Variants in LRRC8A observed in about 807,000 individuals in gnomAD.
The protein encoded by LRRC8A is volume-regulated anion channel subunit LRRC8A.
A neutral mutation model predicts 52.5 loss-of-function variants in LRRC8A; 24 were observed. That is an observed-to-expected ratio of 0.46 (90% CI 0.33 to 0.64). The LOEUF is 0.64. Among genes scored for constraint, LRRC8A ranks in the 30% least tolerant of loss-of-function variants. LRRC8A has a pLI of 0.02. For missense variants in LRRC8A, 677 were observed against 1,094.7 expected, an observed-to-expected ratio of 0.62 and a Z score of 5.38; for synonymous variants, 492 against 494.2, an observed-to-expected ratio of 1.00 and a Z score of 0.06.
In LRRC8A at chr9:128,882,544, C is replaced by G. The variant is rs576823452; in HGVS notation, c.-116+294C>G. 7.3e-5 allele frequency: 29 copies of G among 396,420 alleles called. No individual in the cohort carries two copies. The Admixed American group carries it at 1.0e-3, about 14-fold the overall frequency. The allele number at this position is 396,420 out of a possible 1,614,324, so 24.6% of individuals were successfully genotyped here. The stretch of plus-strand genomic sequence containing the variant: ...AGTTTCCGCCTCGGCTCCCCCATGT[C>G]CCCTTGTCATCCCCTGGGTCCCCCC... On this transcript the variant is annotated intron_variant, in intron 1 of 3. Transcript: ENST00000372600.
rs1159912658 is a variant in LRRC8A at position 128,916,088 on chromosome 9, C to T, written c.2158-8C>T. Reference sequence around the variant, plus strand: ...ACCTCACTCTCACCCCTGCTTTTTTCCCTCCAGATCGAGACGCTCCCTCCG... The same window carrying T: ...ACCTCACTCTCACCCCTGCTTTTTTTCCTCCAGATCGAGACGCTCCCTCCG... On this transcript the variant is annotated splice_region_variant and splice_polypyrimidine_tract_variant and intron_variant, in intron 3 of 3. Coordinates refer to ENST00000372600, the MANE Select transcript of LRRC8A (RefSeq NM_019594.4). The surrounding 1 kb of genome is among the most constrained non-coding windows in gnomAD (Gnocchi z 6.1). 1.3e-6 allele frequency: 2 copies of T among 1,591,108 alleles called. No homozygotes were observed. Among genetic ancestry groups the T allele is most frequent in the Non-Finnish European group, 8.6e-7 (1 of 1,165,240 alleles).
chr9:128,891,354 A>G (rs1164595714), intron 2 of LRRC8A, among the ~76,000 whole-genome samples: 3 of 152,026 alleles, frequency 2.0e-5, no homozygotes, highest in Admixed American at 6.5e-5. Context: ...GCTTGAACCC[A>G]GGAGTTCCAG....
intron 2 of LRRC8A, among the ~76,000 whole-genome samples, chr9:128,898,091 T>A (rs1192725025): frequency 7.1e-6 from 1 of 141,756 alleles, no homozygotes; most frequent in Non-Finnish European, 1.5e-5. Flanking sequence ...TGTGTGTAAT[T>A]TATGGCAGAG....
intron 3 of LRRC8A, among the ~76,000 whole-genome samples, chr9:128,909,617 A>G (rs1564529580): frequency 6.6e-6 from 1 of 152,308 alleles, no homozygotes; most frequent in African/African-American, 2.4e-5. Context: ...TCTGTCCCCC[A>G]AGGTGACCTT....
chr9:128,905,851 A>AAGAAAAATC (rs911513420), intron 2 of LRRC8A, among the ~76,000 whole-genome samples: 26 of 152,180 alleles, frequency 1.7e-4, no homozygotes, highest in Admixed American at 7.2e-4. Flanking sequence ...TCAAAAAAAA[A>AAGAAAAATC]AGAAAAATCA....
intron 3 of LRRC8A, among the ~76,000 whole-genome samples, chr9:128,915,744 C>T (rs1489124313): frequency 6.6e-6 from 1 of 152,152 alleles, no homozygotes; most frequent in East Asian, 1.9e-4. Flanking sequence ...CTGGCCAATG[C>T]GATATACTTC....
Position 128,902,632 on chromosome 9 carries a change from TC to T in LRRC8A, c.-8-4522del, listed in dbSNP as rs536864093. Among the ~76,000 whole-genome samples the T allele has an allele frequency of 6.8e-4, 103 of 152,220 alleles. No individual in the cohort carries two copies. The highest frequency in any genetic ancestry group is 2.4e-3 in the African/African-American group (99 of 41,542). ...TGCTGCATGCACCGGGCTCCTCTCC[TC>T]CCTCTTCTGTTCCCCAGTCTTTAGG... On this transcript the variant is annotated intron_variant, in intron 2 of 3. Coordinates refer to ENST00000372600, the MANE Select transcript of LRRC8A (RefSeq NM_019594.4). The surrounding 1 kb of genome is among the most constrained non-coding windows in gnomAD (Gnocchi z 4.1).
intron 2 of LRRC8A, among the ~76,000 whole-genome samples, chr9:128,889,743 C>T (rs1019560675): frequency 6.6e-6 from 1 of 151,940 alleles, no homozygotes; most frequent in Non-Finnish European, 1.5e-5. Context: ...ATCCACCCAC[C>T]TTGTTCTCCA....
intron 2 of LRRC8A, among the ~76,000 whole-genome samples, chr9:128,905,311 T>C (rs1262492500): frequency 6.6e-6 from 1 of 152,224 alleles, no homozygotes; most frequent in African/African-American, 2.4e-5. Flanking sequence ...TTTTTTACAA[T>C]TTTCCGTATG....
In LRRC8A at chr9:128,908,943, G is replaced by C. The variant is rs1840376252; in HGVS notation, c.1779G>C (p.Leu593=). ...ACAGCCTCAAGAAGATGGCGAACCT[G>C]ACTGAGCTGGAGCTGATCCGCTGTG... ...VLNSLKKMAN[L]TELELIRCDL... Residue 593 remains leucine (L), a synonymous_variant, in exon 3 of 4, where the codon CTG becomes CTC. Coordinates refer to ENST00000372600, the MANE Select transcript of LRRC8A (RefSeq NM_019594.4). The C allele has an allele frequency of 1.2e-6, 2 of 1,613,948 alleles. No individual in the cohort carries two copies. The highest frequency in any genetic ancestry group is 1.7e-6 in the Non-Finnish European group (2 of 1,179,992).
Position 128,908,111 on chromosome 9 carries a change from C to T in LRRC8A, c.947C>T (p.Thr316Ile), listed in dbSNP as rs1421017362. The change falls in exon 3 of 4, where the codon ACA (threonine) becomes ATA (isoleucine). Residue 316 changes from threonine to isoleucine, a missense_variant. Physicochemically the swap from Thr to Ile is moderately conservative, Grantham distance 89 (BLOSUM62 -1). Transcript: ENST00000372600. ...TACCGCTGTGCCCACCCCCTGGCCA[C>T]ACTCTTCAAGATCCTGGCGTCCTTC... ...RTYRCAHPLA[T>I]LFKILASFYI... 1 of 1,613,984 alleles carries T rather than the reference C, an allele frequency of 6.2e-7. No individual in the cohort carries two copies. Among genetic ancestry groups the T allele is most frequent in the Admixed American group, 1.7e-5 (1 of 60,008 alleles).
chr9:128,882,723 C>T (rs1839132065), intron 1 of LRRC8A: 2 of 398,744 alleles, frequency 5.0e-6, no homozygotes, highest in Non-Finnish European at 8.8e-6. Context: ...CCTATCGTTC[C>T]GATGGGGGCA....
rs757823479 is a variant in LRRC8A at position 128,908,256 on chromosome 9, C to T, written c.1092C>T (p.Asp364=). The T allele has an allele frequency of 1.2e-6, 2 of 1,614,048 alleles. No individual in the cohort carries two copies. Among genetic ancestry groups the T allele is most frequent in the African/African-American group, 1.3e-5 (1 of 74,948 alleles). Residue 364 remains aspartate (D), a synonymous_variant, in exon 3 of 4, where the codon GAC becomes GAT. Transcript: ENST00000372600. ...ESIREESSYS[D]IPDVKNDFAF... ...TCCGTGAGGAGAGCAGCTACAGCGA[C>T]ATCCCCGACGTCAAGAACGACTTCG...
chr9:128,882,800 G>T (rs1039048758), intron 1 of LRRC8A: 1 of 398,672 alleles, frequency 2.5e-6, no homozygotes, highest in Admixed American at 4.4e-5. Context: ...GGATATTTGG[G>T]AAGACCGGTC....
chr9:128,908,694 G>T lies in LRRC8A; in HGVS notation c.1530G>T (p.Leu510=), dbSNP rs200702418. The change falls in exon 3 of 4, where the codon CTG becomes CTT. Residue 510 remains leucine, a synonymous_variant. Transcript: ENST00000372600. ...IKFTDIKEIP[L]WIYSLKTLEE... ...TCACCGACATCAAGGAGATCCCGCT[G>T]TGGATCTATAGCCTGAAGACACTGG... 1.2e-6 allele frequency: 2 copies of T among 1,613,056 alleles called. No homozygotes were observed. The highest frequency in any genetic ancestry group is 1.7e-6 in the Non-Finnish European group (2 of 1,180,026).
chr9:128,907,278 T>C lies in LRRC8A; in HGVS notation c.114T>C (p.Ile38=). 1 of 1,614,074 alleles carries C rather than the reference T, an allele frequency of 6.2e-7. No individual in the cohort carries two copies. ...TDYISIVMLM[I]AVFGGTLQVT... The stretch of plus-strand genomic sequence containing the variant: ...ACATCTCTATCGTCATGCTGATGAT[T>C]GCCGTCTTCGGGGGGACGCTGCAGG... Residue 38 remains isoleucine (I), a synonymous_variant, in exon 3 of 4, where the codon ATT becomes ATC. Transcript: ENST00000372600. This position sits in a 1 kb window ranked among gnomAD's most constrained non-coding sequence, Gnocchi z 9.3.
chr9:128,917,094 G>A lies in LRRC8A; in HGVS notation c.*723G>A, dbSNP rs968476751. The A allele has an allele frequency of 2.7e-5, 4 of 150,222 alleles. No individual in the cohort carries two copies. The highest frequency in any genetic ancestry group is 9.9e-5 in the African/African-American group (4 of 40,556). 9.3% of individuals were successfully genotyped at this position (150,222 alleles called of 1,614,324 possible). On this transcript the variant is annotated 3_prime_UTR_variant, in exon 4 of 4. Transcript: ENST00000372600. ...AAAAGCTTTGAAAATGGATGGTTTGGGTATTAAAAAGAAAAAAAAAACTTA... is the reference window on the plus strand; with the variant it reads ...AAAAGCTTTGAAAATGGATGGTTTGAGTATTAAAAAGAAAAAAAAAACTTA...
chr9:128,906,890 ATC>A (rs1483624258), intron 2 of LRRC8A, among the ~76,000 whole-genome samples: 3 of 152,204 alleles, frequency 2.0e-5, no homozygotes, highest in African/African-American at 7.2e-5. Context: ...GATCTGTCTA[ATC>A]TCACTGTGCT....
At chr9:128,889,020 G>A (rs1294183128) in intron 2 of LRRC8A, among the ~76,000 whole-genome samples, 1 of 152,106 alleles carries the variant, frequency 6.6e-6, no homozygotes, top group Admixed American at 6.6e-5. Flanking sequence ...ACAGCCTTGC[G>A]TGTGAGGTTG....
Sources: gnomAD v4.1 joint callset for allele counts (sites outside exome capture counted in the v4.1 genomes callset) on GRCh38, gnomAD v4.1.1 for gene constraint, Gnocchi (gnomAD v3.1) non-coding constraint, MANE v1.5 for transcripts, NCBI Gene and HGNC (gene_info 2026-07-23, HGNC 2026-07-21) for gene names.